The following HELLS variants were observed in gnomAD, a reference collection of about 807,000 sequenced individuals.
HELLS encodes helicase, lymphoid specific.
In HELLS, 32 loss-of-function variants were observed where a neutral mutation model predicts 120.0. The ratio of observed to expected loss-of-function variants is 0.27; its 90% CI spans 0.20 to 0.36. HELLS has a LOEUF of 0.36. Ranked by LOEUF, HELLS falls within the 10% of genes least tolerant of loss-of-function variation. The probability of loss-of-function intolerance (pLI) is 1.00; values close to 1 mark genes in which losing one functional copy is unlikely to be tolerated. For synonymous variants in HELLS, 341 were observed against 323.4 expected (o/e 1.05, Z -0.58); for missense variants, 650 against 993.4 (o/e 0.65, Z 4.65).
chr10:94,584,701 T>A (rs7068337), intron 12 of HELLS, among the ~76,000 whole-genome samples: 57,982 of 151,948 alleles, frequency 0.38, 11,468 homozygotes, highest in East Asian at 0.68. Flanking sequence ...GCCTTTTGAT[T>A]GAACATTTGT....
chr10:94,599,042 G>A (rs965857895), intron 21 of HELLS, among the ~76,000 whole-genome samples: 7 of 151,766 alleles, frequency 4.6e-5, no homozygotes, highest in East Asian at 1.9e-4. Context: ...TGCCAGTATC[G>A]CACTGATTTA....
At chr10:94,583,101 A>T in intron 12 of HELLS, 42 bp downstream of exon 12, 1 of 1,116,252 alleles carries the variant, frequency 9.0e-7, no homozygotes, top group Non-Finnish European at 1.3e-6. Context: ...TAGGCTCGAT[A>T]GAGTATAAAA....
chr10:94,582,796 G>A (rs570079060), intron 11 of HELLS, among the ~76,000 whole-genome samples, 167 bp from the exon 12 acceptor site: 15 of 152,172 alleles, frequency 9.9e-5, no homozygotes, highest in Admixed American at 2.0e-4. Flanking sequence ...TATCTTTGTT[G>A]TTGGAATGTG....
intron 21 of HELLS, among the ~76,000 whole-genome samples, chr10:94,599,038 T>C (rs911453248): frequency 4.6e-5 from 7 of 152,208 alleles, no homozygotes; most frequent in East Asian, 1.9e-4. Flanking sequence ...CCTATGCCAG[T>C]ATCGCACTGA....
downstream of HELLS, among the ~76,000 whole-genome samples, chr10:94,606,777 C>A (rs951450675): frequency 2.1e-4 from 32 of 152,284 alleles, no homozygotes; most frequent in African/African-American, 7.7e-4. Context: ...GCCTTGGGAT[C>A]ATTTACTGTT....
chr10:94,604,692 T>C (rs1846108374), downstream of HELLS, among the ~76,000 whole-genome samples: 1 of 152,166 alleles, frequency 6.6e-6, no homozygotes, highest in South Asian at 2.1e-4. Context: ...AACTTTTGAT[T>C]GGCTCAATAA....
At chr10:94,565,759 T>C (rs551296124) in intron 6 of HELLS, among the ~76,000 whole-genome samples, 3 of 152,336 alleles carry the variant, frequency 2.0e-5, no homozygotes, top group African/African-American at 7.2e-5. Flanking sequence ...TTATTTAATT[T>C]GTTAAATGGT....
At chr10:94,558,261 C>T in intron 4 of HELLS, 66 bp downstream of exon 4, 1 of 1,483,204 alleles carries the variant, frequency 6.7e-7, no homozygotes, top group East Asian at 2.5e-5. Context: ...TTGTATTCTT[C>T]TGACTTTTTT....
chr10:94,554,650 T>A (rs980548860), intron 3 of HELLS, among the ~76,000 whole-genome samples: 2 of 141,108 alleles, frequency 1.4e-5, no homozygotes, highest in Non-Finnish European at 3.1e-5. Flanking sequence ...TAGTGTTTTT[T>A]TTTTTGTTTT....
At chr10:94,596,199 A>T (rs1038982166) in intron 19 of HELLS, among the ~76,000 whole-genome samples, 1 of 152,144 alleles carries the variant, frequency 6.6e-6, no homozygotes, top group Non-Finnish European at 1.5e-5. Flanking sequence ...TTTTCAGTTG[A>T]GTTATTACAT....
chr10:94,551,212 A>G (rs1236396655), intron 2 of HELLS, among the ~76,000 whole-genome samples: 1 of 152,170 alleles, frequency 6.6e-6, no homozygotes, highest in Non-Finnish European at 1.5e-5. Flanking sequence ...TTCTGTAATG[A>G]GTATGCATTA....
chr10:94,554,592 C>T (rs1457721897), intron 3 of HELLS, among the ~76,000 whole-genome samples: 1 of 150,842 alleles, frequency 6.6e-6, no homozygotes, highest in Non-Finnish European at 1.5e-5. Flanking sequence ...GTCTTCATCA[C>T]CATTTCCTGG....
chr10:94,567,339 C>A (rs1421867974), intron 6 of HELLS, among the ~76,000 whole-genome samples: 1 of 152,094 alleles, frequency 6.6e-6, no homozygotes, highest in Non-Finnish European at 1.5e-5. Context: ...GCTCTTGTTG[C>A]CCAGGCTGGA....
chr10:94,608,752 G>T, intron 9 of HELLS, among the ~76,000 whole-genome samples: 1 of 151,624 alleles, frequency 6.6e-6, no homozygotes, highest in Non-Finnish European at 1.5e-5. Flanking sequence ...TGAGCAGCTG[G>T]GACTGCAAAC....
intron 13 of HELLS, among the ~76,000 whole-genome samples, chr10:94,589,881 G>A (rs932386593): frequency 6.6e-6 from 1 of 151,758 alleles, no homozygotes; most frequent in Non-Finnish European, 1.5e-5. Context: ...TAGAGACGGG[G>A]TTTCACCATG....
intron 2 of HELLS, among the ~76,000 whole-genome samples, chr10:94,553,289 CCCAGGCTGGAGTGCAGTGGTG>C (rs1306359991): frequency 2.0e-5 from 3 of 151,788 alleles, no homozygotes; most frequent in East Asian, 1.9e-4. Context: ...CACTCTGTCA[CCCAGGCTGGAGTGCAGTGGTG>C]CCATCTCAGC....
At chr10:94,575,754 TGGG>T (rs71031587) in intron 9 of HELLS, among the ~76,000 whole-genome samples, 14 of 131,232 alleles carry the variant, frequency 1.1e-4, no homozygotes, top group Admixed American at 3.1e-4. Flanking sequence ...GGTTTTTTGT[TGGG>T]GGGGGGGTTG....
At chr10:94,571,530 A>G in intron 7 of HELLS, 101 bp downstream of exon 7, 1 of 960,542 alleles carries the variant, frequency 1.0e-6, no homozygotes, top group Non-Finnish European at 1.5e-6. Flanking sequence ...TCTCACTATT[A>G]TCCTGTTTCT....
chr10:94,553,546 GC>G (rs1224037310), intron 2 of HELLS, among the ~76,000 whole-genome samples: 1 of 144,306 alleles, frequency 6.9e-6, no homozygotes. Flanking sequence ...ACCGTGCCTG[GC>G]CCCAATTTTT....
Sources: gnomAD v4.1 joint callset for allele counts (sites outside exome capture counted in the v4.1 genomes callset) on GRCh38, gnomAD v4.1.1 for gene constraint, MANE v1.5 for transcripts, NCBI Gene and HGNC (gene_info 2026-07-23, HGNC 2026-07-21) for gene names.